Variants in GLRA1 observed in about 807,000 individuals in gnomAD.
GLRA1 encodes the protein glycine receptor subunit alpha-1.
Under a neutral mutation model 48.3 loss-of-function variants are expected in GLRA1, and 37 were observed. The ratio of observed to expected loss-of-function variants is 0.77; its 90% CI spans 0.59 to 1.01. The LOEUF is 1.01. Among genes scored for constraint, GLRA1 ranks in the 50% least tolerant of loss-of-function variants. The pLI, the probability that GLRA1 is intolerant of heterozygous loss-of-function variation, is 0.00. For missense variants in GLRA1, 427 were observed against 571.0 expected, an observed-to-expected ratio of 0.75 and a Z score of 2.57; for synonymous variants, 196 against 210.7, an observed-to-expected ratio of 0.93 and a Z score of 0.60.
chr5:151,856,220 G>T, intron 5 of GLRA1, 81 bp downstream of exon 5: 1 of 889,202 alleles, frequency 1.1e-6, no homozygotes, highest in Non-Finnish European at 1.9e-6. Flanking sequence ...GTGGTTAGGA[G>T]CAGCTGTGTG....
At chr5:151,844,621 C>CAAAAAAAAAAAAAAA (rs202218874) in intron 7 of GLRA1, among the ~76,000 whole-genome samples, 1 of 49,736 alleles carries the variant, frequency 2.0e-5, no homozygotes, top group Non-Finnish European at 3.8e-5. Context: ...TACTCTATCT[C>CAAAAAAAAAAAAAAA]AAAAAAAAAA....
chr5:151,841,530 A>G (rs1354888729), intron 7 of GLRA1, among the ~76,000 whole-genome samples: 3 of 152,192 alleles, frequency 2.0e-5, no homozygotes, highest in Admixed American at 6.5e-5. Context: ...GAGAAAATCA[A>G]TGAAACCAAA....
intron 1 of GLRA1, among the ~76,000 whole-genome samples, chr5:151,918,110 T>C (rs1754782591): frequency 6.6e-6 from 1 of 152,162 alleles, no homozygotes; most frequent in Admixed American, 6.5e-5. Flanking sequence ...AGGGATCCTT[T>C]GTAAGGAGTT....
In GLRA1 at chr5:151,904,380, C is replaced by T. The variant is rs75201424; in HGVS notation, c.57-11942G>A. ...GCAAAGAGAAGCAACCTTGGAAATG[C>T]GACAAGCTGTGGATGTGGAGTCAGA... On this transcript the variant is annotated intron_variant, in intron 1 of 8. Transcript: ENST00000274576. 8.7e-3 allele frequency among the ~76,000 whole-genome samples: 1,330 copies of T among 152,222 alleles called. 19 individuals are homozygous for T. The highest frequency in any genetic ancestry group is 0.031 in the African/African-American group (1,277 of 41,520).
chr5:151,856,670 C>T (rs1445728542), intron 4 of GLRA1, among the ~76,000 whole-genome samples: 1 of 152,078 alleles, frequency 6.6e-6, no homozygotes, highest in Non-Finnish European at 1.5e-5. Flanking sequence ...AGGCATCTGC[C>T]ACCATGCCTG....
At chr5:151,860,128 C>T (rs752007761) in intron 3 of GLRA1, 120 bp from the exon 4 acceptor site, 5 of 736,306 alleles carry the variant, frequency 6.8e-6, no homozygotes, top group Non-Finnish European at 1.2e-5. Context: ...AGTGTGGTTG[C>T]ATCTTATATG....
intron 1 of GLRA1, among the ~76,000 whole-genome samples, chr5:151,920,858 G>A (rs951172740): frequency 6.6e-6 from 1 of 152,126 alleles, no homozygotes; most frequent in Admixed American, 6.5e-5. Context: ...AATCAAGACA[G>A]TCATCTGCCC....
chr5:151,863,679 G>A (rs964349401), intron 3 of GLRA1, among the ~76,000 whole-genome samples: 14 of 152,066 alleles, frequency 9.2e-5, no homozygotes, highest in African/African-American at 3.4e-4. Flanking sequence ...TGCTATTCCC[G>A]AGGGTGCTGG....
intron 7 of GLRA1, among the ~76,000 whole-genome samples, chr5:151,833,947 T>G (rs183000926): frequency 1.1e-4 from 16 of 152,226 alleles, no homozygotes; most frequent in African/African-American, 3.4e-4. Context: ...TAAATACATA[T>G]GCACCCCATA....
chr5:151,834,914 G>C (rs1197245784), intron 7 of GLRA1, among the ~76,000 whole-genome samples: 1 of 151,380 alleles, frequency 6.6e-6, no homozygotes, highest in Non-Finnish European at 1.5e-5. Context: ...TGTAGTCCCA[G>C]CTACTTGGGA....
chr5:151,924,440 T>A, intron 1 of GLRA1, 54 bp downstream of exon 1: 1 of 1,086,952 alleles, frequency 9.2e-7, no homozygotes, highest in Non-Finnish European at 1.4e-6. Flanking sequence ...GTAGCCTCCG[T>A]ACTCTTTCCC....
Position 151,822,814 on chromosome 5 carries a change from C to A in GLRA1, c.1209G>T (p.Glu403Asp). 6.2e-7 allele frequency: 1 copy of A among 1,613,488 alleles called. No individual in the cohort carries two copies. The highest frequency in any genetic ancestry group is 8.5e-7 in the Non-Finnish European group (1 of 1,179,434). Residue 403 changes from glutamate to aspartate, a missense_variant, in exon 9 of 9, where the codon GAG becomes GAT. Glu to Asp is a conservative substitution (Grantham distance 45). This residue lies in a region of GLRA1 where 121 missense variants were observed against 96.5 expected (regional missense o/e 1.25). Coordinates refer to ENST00000274576, the MANE Select transcript of GLRA1 (RefSeq NM_000171.4). ...CCCTCTGGATGAAGAGTTTTCGCAT[C>A]TCCTCTGGGGACTTAGATGGTGCAG... The part of the protein sequence containing the change: ...PPPAPSKSPE[E>D]MRKLFIQRAK...
At chr5:151,886,251 C>T (rs1753902915) in intron 3 of GLRA1, among the ~76,000 whole-genome samples, 1 of 151,586 alleles carries the variant, frequency 6.6e-6, no homozygotes, top group Non-Finnish European at 1.5e-5. Flanking sequence ...TATTTTTTTT[C>T]CTAGGCATTT....
intron 1 of GLRA1, among the ~76,000 whole-genome samples, chr5:151,899,266 CAGT>C (rs2113431417): frequency 6.6e-6 from 1 of 152,244 alleles, no homozygotes; most frequent in South Asian, 2.1e-4. Flanking sequence ...TATGGTGGCT[CAGT>C]GGTGGAAGGC....
chr5:151,837,305 G>C (rs1763602395), intron 7 of GLRA1, among the ~76,000 whole-genome samples: 1 of 152,184 alleles, frequency 6.6e-6, no homozygotes, highest in Non-Finnish European at 1.5e-5. Context: ...TAAAAAGTTA[G>C]GAAATAACAG....
intron 3 of GLRA1, among the ~76,000 whole-genome samples, chr5:151,865,251 A>T (rs1002592714): frequency 2.6e-5 from 4 of 152,128 alleles, no homozygotes; most frequent in African/African-American, 9.7e-5. Context: ...AAGGGCTCTG[A>T]TAGGGGTTAA....
At chr5:151,898,574 G>A (rs79260785) in intron 1 of GLRA1, among the ~76,000 whole-genome samples, 11 of 152,064 alleles carry the variant, frequency 7.2e-5, no homozygotes, top group Admixed American at 5.9e-4. Flanking sequence ...TCCCTCTCCA[G>A]TTTACCATGA....
rs539496214 is a variant in GLRA1 at position 151,903,134 on chromosome 5, A to G, written c.57-10696T>C. ...ATGCATCAGCAAAACTATAGTATTT[A>G]TTCCAGAGAAAACAGAGTTTTCATA... On this transcript the variant is annotated intron_variant, in intron 1 of 8. Coordinates refer to ENST00000274576, the MANE Select transcript of GLRA1 (RefSeq NM_000171.4). 2.0e-5 allele frequency among the ~76,000 whole-genome samples: 3 copies of G among 152,352 alleles called. No individual in the cohort carries two copies. The East Asian group carries it at 5.8e-4, about 29-fold the overall frequency.
At chr5:151,835,545 G>A (rs897597645) in intron 7 of GLRA1, among the ~76,000 whole-genome samples, 2 of 152,214 alleles carry the variant, frequency 1.3e-5, no homozygotes, top group East Asian at 1.9e-4. Context: ...GATGAACATC[G>A]ATTAGAAAAT....
Sources: gnomAD v4.1 joint callset for allele counts (sites outside exome capture counted in the v4.1 genomes callset) on GRCh38, gnomAD v4.1.1 for gene constraint, gnomAD v4.1.1 regional missense constraint, MANE v1.5 for transcripts, NCBI Gene and HGNC (gene_info 2026-07-23, HGNC 2026-07-21) for gene names.